The following TMEM178B variants were observed in gnomAD, a reference collection of about 807,000 sequenced individuals.
TMEM178B encodes the protein transmembrane protein 178B.
TMEM178B carries 5 observed loss-of-function variants against 31.0 expected under a neutral mutation model. The observed-to-expected ratio is 0.16, with a 90% CI of 0.08 to 0.34. The LOEUF (loss-of-function observed/expected upper bound fraction) is 0.34. Ranked by LOEUF, TMEM178B falls within the 10% of genes least tolerant of loss-of-function variation. The pLI is 1.00. For missense variants in TMEM178B, 275 were observed against 400.3 expected (o/e 0.69, Z 2.67); for synonymous variants, 164 against 164.0 (o/e 1.00, Z 0.00).
the TMEM178B span, among the ~76,000 whole-genome samples, chr7:141,486,292 A>G: frequency 2.0e-5 from 3 of 152,276 alleles, no homozygotes; most frequent in South Asian, 6.2e-4. Flanking sequence ...AAATTACTTA[A>G]TGGGTACAAT....
the TMEM178B span, among the ~76,000 whole-genome samples, chr7:141,504,614 C>A: frequency 6.6e-6 from 1 of 152,110 alleles, no homozygotes; most frequent in East Asian, 1.9e-4. Context: ...TAAACTAGTC[C>A]CACTTAAGTA....
chr7:141,074,280 C>G lies in TMEM178B; in HGVS notation c.-31C>G. The G allele has an allele frequency of 6.8e-7, 1 of 1,479,572 alleles. No homozygotes were observed. Among genetic ancestry groups the G allele is most frequent in the South Asian group, 1.3e-5 (1 of 76,340 alleles). The allele number at this position is 1,479,572 out of a possible 1,614,324, so 91.7% of individuals were successfully genotyped here. A position where few individuals can be genotyped will look rare whatever the true frequency, so the allele number is the denominator to read the frequency against. Reference sequence around the variant, plus strand: ...GAGGGAAGGCGAGGCTGCGGCGGATCATGCCCATGGTGTAGCCGCCAAGCG... The same window carrying G: ...GAGGGAAGGCGAGGCTGCGGCGGATGATGCCCATGGTGTAGCCGCCAAGCG... On this transcript the variant is annotated 5_prime_UTR_variant, in exon 1 of 4. The change creates a new upstream start codon in the 5' untranslated region. Coordinates refer to ENST00000565468, the MANE Select transcript of TMEM178B (RefSeq NM_001195278.2). This position sits in a 1 kb window ranked among gnomAD's most constrained non-coding sequence, Gnocchi z 5.1.
At chr7:141,163,514 T>G (rs983549158) in intron 1 of TMEM178B, among the ~76,000 whole-genome samples, 107 of 142,266 alleles carry the variant, frequency 7.5e-4, no homozygotes, top group African/African-American at 2.8e-3. Flanking sequence ...AAACAGCAAT[T>G]TTTTTTTTTT....
At chr7:141,393,902 C>T (rs1800590750) in intron 2 of TMEM178B, among the ~76,000 whole-genome samples, 1 of 152,306 alleles carries the variant, frequency 6.6e-6, no homozygotes, top group African/African-American at 2.4e-5. Flanking sequence ...AATTTATTAG[C>T]CTAGAATATT....
At chr7:141,245,170 CAAAAAAAAAAAAAAAAAAAAAAAA>C (rs59281560) in intron 2 of TMEM178B, among the ~76,000 whole-genome samples, 5,181 of 23,272 alleles carry the variant, frequency 0.22, 347 homozygotes, top group South Asian at 0.45. Context: ...ACTCCATCAC[CAAAAAAAAAAAAAAAAAAAAAAAA>C]AAAAAAAAAA....
Position 141,199,122 on chromosome 7 carries a change from G to A in TMEM178B, c.383-13469G>A, listed in dbSNP as rs113402048. ...GACAGCTCATTCTTTATTTCCTCTTGTGAAGAAGCGGCTATGTAATGACAT... is the reference window on the plus strand; with the variant it reads ...GACAGCTCATTCTTTATTTCCTCTTATGAAGAAGCGGCTATGTAATGACAT... On this transcript the variant is annotated intron_variant, in intron 1 of 3. Coordinates refer to ENST00000565468, the MANE Select transcript of TMEM178B (RefSeq NM_001195278.2). Among the ~76,000 whole-genome samples the A allele has an allele frequency of 9.5e-3, 1,454 of 152,260 alleles. 30 individuals are homozygous for A. Among genetic ancestry groups the A allele is most frequent in the African/African-American group, 0.033 (1,373 of 41,544 alleles).
intron 2 of TMEM178B, among the ~76,000 whole-genome samples, chr7:141,221,593 G>C (rs1797257727): frequency 6.6e-6 from 1 of 152,242 alleles, no homozygotes; most frequent in African/African-American, 2.4e-5. Context: ...GACAATGGTG[G>C]CTGAGAGAGT....
chr7:141,126,024 C>G (rs1454405354), intron 1 of TMEM178B, among the ~76,000 whole-genome samples: 1 of 152,206 alleles, frequency 6.6e-6, no homozygotes, highest in Admixed American at 6.5e-5. Context: ...CCTTCCCTAA[C>G]AGGCTTTGTG....
At chr7:141,290,950 G>A (rs1798535442) in intron 2 of TMEM178B, among the ~76,000 whole-genome samples, 1 of 152,160 alleles carries the variant, frequency 6.6e-6, no homozygotes, top group African/African-American at 2.4e-5. Flanking sequence ...AGAGATTCCT[G>A]CCACCTACCC....
intron 2 of TMEM178B, among the ~76,000 whole-genome samples, chr7:141,364,400 C>G (rs954959724): frequency 4.9e-4 from 75 of 152,252 alleles, no homozygotes; most frequent in East Asian, 3.9e-4. Context: ...GTGGCTCACG[C>G]CTGTAATCCC....
chr7:141,370,092 A>C, intron 2 of TMEM178B, among the ~76,000 whole-genome samples: 1 of 150,364 alleles, frequency 6.7e-6, no homozygotes, highest in East Asian at 1.9e-4. Context: ...TCCTGGCTCC[A>C]GTGGAACCGG....
Position 141,472,037 on chromosome 7 carries a change from AGG to A in TMEM178B, c.*1255_*1256del, listed in dbSNP as rs1254358570. 6.6e-6 allele frequency: 1 copy of A among 152,156 alleles called. No individual in the cohort carries two copies. Among genetic ancestry groups the A allele is most frequent in the South Asian group, 2.1e-4 (1 of 4,818 alleles). 9.4% of individuals were successfully genotyped at this position (152,156 alleles called of 1,614,324 possible). The stretch of plus-strand genomic sequence containing the variant: ...CTGGGCACATAAGCCATGAGAGAAG[AGG>A]GGGAACACACAGTTCAGGAGAGAGA... On this transcript the variant is annotated 3_prime_UTR_variant, in exon 4 of 4. Transcript: ENST00000565468.
At chr7:141,428,166 C>T (rs1234557616) in intron 2 of TMEM178B, among the ~76,000 whole-genome samples, 1 of 151,820 alleles carries the variant, frequency 6.6e-6, no homozygotes, top group African/African-American at 2.4e-5. Context: ...TAGAAAACAC[C>T]TAGCCTGACC....
intron 2 of TMEM178B, among the ~76,000 whole-genome samples, chr7:141,347,485 G>A (rs1270465869): frequency 1.3e-5 from 2 of 152,112 alleles, no homozygotes; most frequent in East Asian, 3.9e-4. Flanking sequence ...CTGTTCAGCT[G>A]AACATCCTAT....
intron 1 of TMEM178B, among the ~76,000 whole-genome samples, chr7:141,076,602 G>A (rs1196994273): frequency 6.6e-6 from 1 of 152,200 alleles, no homozygotes; most frequent in Non-Finnish European, 1.5e-5. Flanking sequence ...TCTGTGCACT[G>A]GAGGGGTTGG....
At chr7:141,336,978 CCACCCCCATCACTACCATCATCAT>C (rs1799413294) in intron 2 of TMEM178B, among the ~76,000 whole-genome samples, 1 of 106,876 alleles carries the variant, frequency 9.4e-6, no homozygotes, top group Non-Finnish European at 1.9e-5. Context: ...ACCACCACCA[CCACCCCCATCACTACCATCATCAT>C]CACCACCACC....
At chr7:141,500,393 A>G in the TMEM178B span, among the ~76,000 whole-genome samples, 3 of 152,136 alleles carry the variant, frequency 2.0e-5, no homozygotes, top group African/African-American at 7.2e-5. Flanking sequence ...ACTCGGAGGA[A>G]GTGCACTTCA....
intron 1 of TMEM178B, among the ~76,000 whole-genome samples, chr7:141,116,031 T>G (rs1795312602): frequency 6.6e-6 from 1 of 152,226 alleles, no homozygotes; most frequent in African/African-American, 2.4e-5. Context: ...CAAATGAAAT[T>G]GCTCTTGGCA....
intron 2 of TMEM178B, among the ~76,000 whole-genome samples, chr7:141,241,141 T>C (rs1180302265): frequency 2.4e-5 from 1 of 42,048 alleles, no homozygotes; most frequent in Non-Finnish European, 4.2e-5. Context: ...ACCTAATGTG[T>C]AGTTTTTTTT....
Sources: gnomAD v4.1 joint callset for allele counts (sites outside exome capture counted in the v4.1 genomes callset) on GRCh38, gnomAD v4.1.1 for gene constraint, Gnocchi (gnomAD v3.1) non-coding constraint, MANE v1.5 for transcripts, NCBI Gene and HGNC (gene_info 2026-07-23, HGNC 2026-07-21) for gene names.